The following CES1 variants were observed in gnomAD, a reference collection of about 807,000 sequenced individuals.
The protein encoded by CES1 is liver carboxylesterase 1.
In CES1, 50 loss-of-function variants were observed where a neutral mutation model predicts 53.0. That is an observed-to-expected ratio of 0.94 (90% CI 0.75 to 1.19). The LOEUF is 1.19. CES1 is among the 50% of genes most tolerant of loss of function. The pLI is 0.00. For synonymous variants in CES1, 202 were observed against 210.1 expected (o/e 0.96, Z 0.33); for missense variants, 534 against 538.0 (o/e 0.99, Z 0.07).
intron 6 of CES1, chr16:55,819,953 A>T (rs1425787110): frequency 3.6e-6 from 2 of 552,698 alleles, no homozygotes; most frequent in Admixed American, 3.0e-5. Flanking sequence ...GGAATCCTGA[A>T]TTTCCTTGTC....
intron 10 of CES1, 25 bp from the exon 11 acceptor site, chr16:55,810,689 C>A (rs762228730): frequency 6.2e-7 from 1 of 1,613,898 alleles, no homozygotes; most frequent in Non-Finnish European, 8.5e-7. Flanking sequence ...AAAGTGACCA[C>A]CAGCCCCGGG....
chr16:55,813,364 G>T (rs1337437723), intron 8 of CES1, among the ~76,000 whole-genome samples: 1 of 152,142 alleles, frequency 6.6e-6, no homozygotes, highest in African/African-American at 2.4e-5. Flanking sequence ...GTCCACAATT[G>T]ATTTTCGGTA....
At chr16:55,827,933 G>A (rs546273668) in intron 2 of CES1, 37 of 152,286 alleles carry the variant, frequency 2.4e-4, no homozygotes, top group African/African-American at 8.4e-4. Context: ...GTGGAATATT[G>A]TATGTGATCT....
intron 4 of CES1, among the ~76,000 whole-genome samples, chr16:55,822,106 T>A (rs59132516): frequency 6.6e-6 from 1 of 152,034 alleles, no homozygotes; most frequent in Non-Finnish European, 1.5e-5. Context: ...TGAAAGAAAG[T>A]GTGAGTCAGG....
intron 5 of CES1, 121 bp from the exon 6 acceptor site, chr16:55,820,600 T>C: frequency 6.6e-7 from 1 of 1,525,014 alleles, no homozygotes; most frequent in Non-Finnish European, 9.0e-7. Flanking sequence ...AATCCAGTAG[T>C]GGGCTGACCC....
intron 11 of CES1, among the ~76,000 whole-genome samples, chr16:55,809,716 C>A (rs775208156): frequency 2.0e-5 from 3 of 152,186 alleles, no homozygotes; most frequent in Non-Finnish European, 4.4e-5. Flanking sequence ...CGCCCTGGCT[C>A]CTCTCTCTGG....
In CES1 at chr16:55,827,009, G is replaced by A. The variant is rs1336940284; in HGVS notation, c.261-714C>T. ...TTACAGATGAGAAAACTGAAGCCTA[G>A]GCAGGTTAGAGAACCTGACCAAGGT... On this transcript the variant is annotated intron_variant, in intron 2 of 13. Coordinates refer to ENST00000360526, the MANE Select transcript of CES1 (RefSeq NM_001025195.2). Among the ~76,000 whole-genome samples, 4 of 152,270 alleles carry A rather than the reference G, an allele frequency of 2.6e-5. No individual in the cohort carries two copies. The East Asian group carries it at 7.7e-4, about 29-fold the overall frequency.
intron 7 of CES1, 70 bp downstream of exon 7, chr16:55,819,465 G>T: frequency 1.1e-5 from 12 of 1,128,978 alleles, no homozygotes; most frequent in Non-Finnish European, 1.4e-5. Context: ...CCCTGGGCAA[G>T]AGGACAGCTG....
intron 4 of CES1, among the ~76,000 whole-genome samples, chr16:55,822,904 G>T (rs544726256): frequency 6.6e-6 from 1 of 152,082 alleles, no homozygotes. Context: ...TGGCATGGAT[G>T]GAGGAGAACC....
intron 8 of CES1, among the ~76,000 whole-genome samples, chr16:55,815,689 C>A (rs1472977944): frequency 6.6e-6 from 1 of 151,814 alleles, no homozygotes; most frequent in Non-Finnish European, 1.5e-5. Context: ...ACTGCCACAG[C>A]CCTGTCTAAG....
chr16:55,820,433 T>C lies in CES1; in HGVS notation c.740A>G (p.Glu247Gly). 1 of 1,602,898 alleles carries C rather than the reference T, an allele frequency of 6.2e-7. No homozygotes were observed. Among genetic ancestry groups the C allele is most frequent in the Non-Finnish European group, 8.5e-7 (1 of 1,173,260 alleles). ...AKNLFHRAIS[E>G]SGVALTSVLV... Reference sequence around the variant, plus strand: ...AACAGAAGTGAGGGCCACGCCACTCTCAGAAATGGCCCGGTGGAAGAGGTT... The same window carrying C: ...AACAGAAGTGAGGGCCACGCCACTCCCAGAAATGGCCCGGTGGAAGAGGTT... Residue 247 changes from glutamate (E) to glycine (G), a missense_variant, in exon 6 of 14, where the codon GAG becomes GGG. Glu to Gly is a moderately conservative substitution (Grantham distance 98). Transcript: ENST00000360526.
intron 8 of CES1, 135 bp from the exon 9 acceptor site, chr16:55,813,178 C>G: frequency 8.0e-7 from 1 of 1,243,808 alleles, no homozygotes. Flanking sequence ...GCTCAGGATC[C>G]TAACTTAGGG....
chr16:55,819,455 C>A, intron 7 of CES1, 80 bp downstream of exon 7: 1 of 1,027,254 alleles, frequency 9.7e-7, no homozygotes, highest in Non-Finnish European at 1.5e-6. Flanking sequence ...AGGAAACTGT[C>A]CCTGGGCAAG....
chr16:55,814,458 G>A (rs1207954532), intron 8 of CES1, among the ~76,000 whole-genome samples: 1 of 152,230 alleles, frequency 6.6e-6, no homozygotes, highest in Admixed American at 6.5e-5. Context: ...GCCTGGCTCT[G>A]CTACTTACTG....
At chr16:55,821,019 C>T (rs1477974842) in intron 5 of CES1, among the ~76,000 whole-genome samples, 29 of 152,020 alleles carry the variant, frequency 1.9e-4, no homozygotes, top group African/African-American at 6.5e-4. Flanking sequence ...ATTCCTACTT[C>T]CCAAGAGAAG....
intron 8 of CES1, among the ~76,000 whole-genome samples, chr16:55,816,402 G>T (rs1436421571): frequency 6.6e-6 from 1 of 152,220 alleles, no homozygotes; most frequent in Non-Finnish European, 1.5e-5. Flanking sequence ...GAGAGGACAG[G>T]ATTGTAAGAT....
In CES1 at chr16:55,833,065, G is replaced by A. The variant is rs537873734; in HGVS notation, c.-10C>T. The stretch of plus-strand genomic sequence containing the variant: ...AGGCACGGAGCCACATCGTGGAAGG[G>A]CGACAGTTCTCGGGGCCTGCGAGGT... On this transcript the variant is annotated 5_prime_UTR_variant, in exon 1 of 14. Coordinates refer to ENST00000360526, the MANE Select transcript of CES1 (RefSeq NM_001025195.2). 9.0e-6 allele frequency: 14 copies of A among 1,559,972 alleles called. 3 individuals carry two copies. The East Asian group carries it at 1.9e-4, about 21-fold the overall frequency.
At chr16:55,832,258 G>A (rs1394790526) in intron 1 of CES1, among the ~76,000 whole-genome samples, 12 of 152,110 alleles carry the variant, frequency 7.9e-5, no homozygotes, top group Non-Finnish European at 1.5e-4. Flanking sequence ...CCCTCCCCAG[G>A]CTCTGCTGCT....
chr16:55,814,811 G>T (rs1249233180), intron 8 of CES1, among the ~76,000 whole-genome samples: 2 of 152,232 alleles, frequency 1.3e-5, no homozygotes, highest in Admixed American at 6.5e-5. Context: ...GGACTGCCTG[G>T]GGGAGATGTT....
Sources: gnomAD v4.1 joint callset for allele counts (sites outside exome capture counted in the v4.1 genomes callset) on GRCh38, gnomAD v4.1.1 for gene constraint, MANE v1.5 for transcripts, NCBI Gene and HGNC (gene_info 2026-07-23, HGNC 2026-07-21) for gene names.